Variants in ZNF644 observed in about 807,000 individuals in gnomAD.
The protein encoded by ZNF644 is zinc finger protein 644.
Under a neutral mutation model 108.0 loss-of-function variants are expected in ZNF644, and 20 were observed. The ratio of observed to expected loss-of-function variants is 0.19; its 90% CI spans 0.13 to 0.27. The LOEUF (loss-of-function observed/expected upper bound fraction) is 0.27. Ranked by LOEUF, ZNF644 falls within the 10% of genes least tolerant of loss-of-function variation. The pLI, the probability that ZNF644 is intolerant of heterozygous loss-of-function variation, is 1.00. For synonymous variants in ZNF644, 542 were observed against 539.1 expected (o/e 1.01, Z -0.08); for missense variants, 1,338 against 1,548.9 (o/e 0.86, Z 2.29).
At chr1:90,923,142 C>T (rs1649656633) in intron 4 of ZNF644, among the ~76,000 whole-genome samples, 1 of 152,142 alleles carries the variant, frequency 6.6e-6, no homozygotes, top group Admixed American at 6.6e-5. Context: ...GGGTGTCCAA[C>T]TTACACAGTC....
intron 2 of ZNF644, among the ~76,000 whole-genome samples, chr1:90,956,091 G>T (rs1653729321): frequency 6.6e-6 from 1 of 152,166 alleles, no homozygotes; most frequent in African/African-American, 2.4e-5. Context: ...GACAGGCAAG[G>T]AAGGGCCAGC....
intron 1 of ZNF644, among the ~76,000 whole-genome samples, chr1:90,992,351 C>T (rs1230318449): frequency 6.7e-6 from 1 of 149,564 alleles, no homozygotes; most frequent in African/African-American, 2.5e-5. Flanking sequence ...AGTCAAATCT[C>T]GAAGTTAGAA....
intron 2 of ZNF644, among the ~76,000 whole-genome samples, chr1:90,969,091 C>G (rs1008071009): frequency 1.3e-4 from 20 of 152,168 alleles, no homozygotes; most frequent in Admixed American, 1.3e-3. Context: ...TGCAATGTTA[C>G]AGATTGAATT....
chr1:90,929,902 T>A (rs184411311), intron 4 of ZNF644, among the ~76,000 whole-genome samples: 1 of 152,254 alleles, frequency 6.6e-6, no homozygotes, highest in Non-Finnish European at 1.5e-5. Context: ...ACTAGTGGTA[T>A]TGACCTCATC....
At chr1:91,010,413 T>A (rs891296564) in intron 1 of ZNF644, among the ~76,000 whole-genome samples, 7 of 150,898 alleles carry the variant, frequency 4.6e-5, no homozygotes, top group Non-Finnish European at 7.4e-5. Flanking sequence ...TAATTTTTTT[T>A]TTTTTTTTTT....
intron 4 of ZNF644, 114 bp downstream of exon 4, chr1:90,937,371 A>AG: frequency 4.0e-5 from 58 of 1,455,638 alleles, no homozygotes; most frequent in Non-Finnish European, 5.1e-5. Flanking sequence ...AAAAAAAAAA[A>AG]GCAGCTTAAA....
chr1:90,977,163 G>A (rs1276470869), intron 2 of ZNF644, among the ~76,000 whole-genome samples: 15 of 152,006 alleles, frequency 9.9e-5, no homozygotes, highest in South Asian at 6.2e-4. Flanking sequence ...TAATGATTGC[G>A]TTGTAAAAGA....
At chr1:90,937,078 T>C (rs1224202043) in intron 4 of ZNF644, among the ~76,000 whole-genome samples, 2 of 152,136 alleles carry the variant, frequency 1.3e-5, no homozygotes, top group Non-Finnish European at 2.9e-5. Flanking sequence ...CATGATCACC[T>C]TGGAGAACTG....
At chr1:90,992,616 A>T (rs1657753304) in intron 1 of ZNF644, among the ~76,000 whole-genome samples, 1 of 150,316 alleles carries the variant, frequency 6.7e-6, no homozygotes, top group Admixed American at 6.6e-5. Context: ...TTCTTACTGA[A>T]ATATGAGTTC....
intron 1 of ZNF644, among the ~76,000 whole-genome samples, chr1:90,991,878 C>A (rs1301208747): frequency 1.3e-5 from 2 of 152,126 alleles, no homozygotes. Context: ...ATGCAAATGT[C>A]CATACCATCC....
At chr1:91,015,999 TCA>T (rs1660399384) in intron 1 of ZNF644, among the ~76,000 whole-genome samples, 1 of 152,232 alleles carries the variant, frequency 6.6e-6, no homozygotes, top group Non-Finnish European at 1.5e-5. Context: ...TGCCTAGTGC[TCA>T]CACAGCTAAA....
rs1269257056 is a variant in ZNF644, at chr1:90,940,024, C to T, written c.1330G>A (p.Val444Ile). Residue 444 changes from valine (V) to isoleucine (I), a missense_variant, in exon 3 of 6, where the codon GTC (valine) becomes ATC (isoleucine). By Grantham distance (29) the Val-to-Ile change is conservative. This residue lies in a region of ZNF644 where 80 missense variants were observed against 183.0 expected (regional missense o/e 0.44). Coordinates refer to ENST00000337393, the MANE Select transcript of ZNF644 (RefSeq NM_201269.3). ...DGNSHFRHLN[V>I]PRPYACRECG... The stretch of plus-strand genomic sequence containing the variant: ...TCTCTACAAGCATATGGCCTTGGGA[C>T]ATTAAGATGGCGAAAGTGACTATTC... 5 of 1,613,942 alleles carry T rather than the reference C, an allele frequency of 3.1e-6. No homozygotes were observed. The highest frequency in any genetic ancestry group is 1.3e-5 in the African/African-American group (1 of 74,908).
At chr1:90,947,605 T>C (rs887096686) in intron 2 of ZNF644, among the ~76,000 whole-genome samples, 2 of 152,186 alleles carry the variant, frequency 1.3e-5, no homozygotes, top group African/African-American at 4.8e-5. Context: ...GTCTGCTGTT[T>C]ATGTTCAGTT....
intron 2 of ZNF644, among the ~76,000 whole-genome samples, chr1:90,972,185 G>T (rs2101317500): frequency 6.6e-6 from 1 of 152,186 alleles, no homozygotes; most frequent in African/African-American, 2.4e-5. Flanking sequence ...TGCAACAAAA[G>T]ATACAGAGTA....
chr1:90,985,365 T>C (rs1656990075), intron 1 of ZNF644, among the ~76,000 whole-genome samples: 1 of 152,190 alleles, frequency 6.6e-6, no homozygotes, highest in Non-Finnish European at 1.5e-5. Context: ...ACATGCATTA[T>C]TACTATATTT....
intron 1 of ZNF644, among the ~76,000 whole-genome samples, chr1:90,997,024 A>C (rs1557645125): frequency 6.6e-6 from 1 of 152,226 alleles, no homozygotes; most frequent in East Asian, 1.9e-4. Flanking sequence ...ATCAGAGGTA[A>C]TTGTTTCATA....
intron 1 of ZNF644, 91 bp downstream of exon 1, chr1:91,021,899 C>T: frequency 2.5e-6 from 1 of 399,082 alleles, no homozygotes; most frequent in South Asian, 1.3e-4. Flanking sequence ...CAAGTTCTTC[C>T]GCCACCCTCA....
Position 90,938,301 on chromosome 1 carries a change from G to A in ZNF644, c.3053C>T (p.Thr1018Ile). ...TCTAACTCGTTTAACAGGTGTTCCT[G>A]TGCCAGTTCTTTTGAAATGCTGCAT... ...DKMQHFKRTG[T>I]GTPVKRVRKA... is the part of the protein sequence containing the mutation. The change falls in exon 3 of 6, where the codon ACA becomes ATA. Residue 1018 changes from threonine to isoleucine, a missense_variant. Transcript: ENST00000337393. The surrounding 1 kb of genome is among the most constrained non-coding windows in gnomAD (Gnocchi z 4.2). 1 of 1,613,936 alleles carries A rather than the reference G, an allele frequency of 6.2e-7. No individual in the cohort carries two copies. The highest frequency in any genetic ancestry group is 1.1e-5 in the South Asian group (1 of 91,064).
At chr1:90,917,822 T>C (rs1344820664) in intron 5 of ZNF644, among the ~76,000 whole-genome samples, 1 of 152,222 alleles carries the variant, frequency 6.6e-6, no homozygotes, top group Non-Finnish European at 1.5e-5. Context: ...AATCACAGTA[T>C]AATAGATTTA....
Sources: allele counts gnomAD v4.1 joint callset (sites outside exome capture counted in the v4.1 genomes callset), GRCh38; gene constraint gnomAD v4.1.1; regional missense constraint gnomAD v4.1.1; non-coding constraint Gnocchi (gnomAD v3.1); transcripts MANE v1.5; gene names NCBI Gene and HGNC (gene_info 2026-07-23, HGNC 2026-07-21).